The following LYRM4 variants were observed in gnomAD, a reference collection of about 807,000 sequenced individuals.
LYRM4 encodes LYR motif-containing protein 4.
In LYRM4, 9 loss-of-function variants were observed where a neutral mutation model predicts 11.7. That is an observed-to-expected ratio of 0.77 (90% CI 0.46 to 1.34). LYRM4 has a LOEUF of 1.34. LYRM4 is among the 40% of genes most tolerant of loss of function. The pLI, the probability that LYRM4 is intolerant of heterozygous loss-of-function variation, is 0.00. For synonymous variants in LYRM4, 42 were observed against 40.4 expected (o/e 1.04, Z -0.15); for missense variants, 133 against 112.5 (o/e 1.18, Z -0.82).
Position 5,191,907 on chromosome 6 carries a change from C to T in LYRM4, c.207+24711G>A, listed in dbSNP as rs200882922. Among the ~76,000 whole-genome samples the T allele has an allele frequency of 2.0e-5, 3 of 152,142 alleles. No homozygotes were observed. The East Asian group carries it at 5.8e-4, about 29-fold the overall frequency. On this transcript the variant is annotated intron_variant, in intron 2 of 2. Coordinates refer to ENST00000330636, the MANE Select transcript of LYRM4 (RefSeq NM_020408.6). ...CCATATTACTTACGTAGTTTTCCTG[C>T]CAAAAGTGCTTATTATGAATGTAAC... is the stretch of plus-strand genomic sequence containing the variant.
At chr6:5,258,934 A>C (rs766329121) in intron 1 of LYRM4, among the ~76,000 whole-genome samples, 13 of 152,216 alleles carry the variant, frequency 8.5e-5, no homozygotes, top group Admixed American at 2.6e-4. Flanking sequence ...TCAGTTGGCA[A>C]TTACTCATTT....
intron 1 of LYRM4, among the ~76,000 whole-genome samples, chr6:5,253,781 G>C (rs1764543268): frequency 6.7e-6 from 1 of 149,620 alleles, no homozygotes; most frequent in African/African-American, 2.5e-5. Flanking sequence ...CGTTCGATCT[G>C]AAGCAAAATG....
At chr6:5,048,922 TC>T in the LYRM4 span, among the ~76,000 whole-genome samples, 1 of 152,158 alleles carries the variant, frequency 6.6e-6, no homozygotes, top group Non-Finnish European at 1.5e-5. Flanking sequence ...CAGGACTTGT[TC>T]CAGAGGGCTG....
the LYRM4 span, among the ~76,000 whole-genome samples, chr6:5,036,945 G>C: frequency 6.6e-6 from 1 of 151,736 alleles, no homozygotes; most frequent in Non-Finnish European, 1.5e-5. Flanking sequence ...AAAGTCCCCT[G>C]TTATCTAGGT....
At chr6:5,119,172 G>A (rs1383794078) in intron 2 of LYRM4, among the ~76,000 whole-genome samples, 4 of 152,134 alleles carry the variant, frequency 2.6e-5, no homozygotes, top group Admixed American at 6.5e-5. Context: ...GTGGGGAGTC[G>A]GCCTCTTATT....
At chr6:5,147,637 C>CCCTG in intron 2 of LYRM4, among the ~76,000 whole-genome samples, 1 of 152,304 alleles carries the variant, frequency 6.6e-6, no homozygotes, top group East Asian at 1.9e-4. Context: ...TCCTTTTCAT[C>CCCTG]TTTGAAGGAA....
the LYRM4 span, among the ~76,000 whole-genome samples, chr6:5,096,210 G>A: frequency 1.3e-5 from 2 of 152,126 alleles, no homozygotes; most frequent in Non-Finnish European, 2.9e-5. Context: ...CTGCCACTAG[G>A]TGGGTGCAGT....
At chr6:5,064,664 C>G in the LYRM4 span, among the ~76,000 whole-genome samples, 1 of 152,110 alleles carries the variant, frequency 6.6e-6, no homozygotes, top group South Asian at 2.1e-4. Flanking sequence ...CTCAGCCTCC[C>G]AAAGTGCTAG....
intron 2 of LYRM4, among the ~76,000 whole-genome samples, chr6:5,120,732 C>T (rs942934895): frequency 6.6e-6 from 1 of 152,100 alleles, no homozygotes; most frequent in African/African-American, 2.4e-5. Flanking sequence ...TCTAGCTAGC[C>T]TCAGAGCGCT....
At chr6:5,156,913 TC>T (rs1366371616) in intron 2 of LYRM4, among the ~76,000 whole-genome samples, 1 of 151,870 alleles carries the variant, frequency 6.6e-6, no homozygotes, top group Non-Finnish European at 1.5e-5. Context: ...TGTCACAAGA[TC>T]CCCCCTGAAG....
intron 2 of LYRM4, among the ~76,000 whole-genome samples, chr6:5,161,243 G>A (rs1028927193): frequency 6.6e-6 from 1 of 152,216 alleles, no homozygotes; most frequent in East Asian, 1.9e-4. Flanking sequence ...GTTGGAGGTT[G>A]TAGATGAAAA....
chr6:5,217,170 A>C (rs1420077651), intron 1 of LYRM4, among the ~76,000 whole-genome samples: 1 of 152,124 alleles, frequency 6.6e-6, no homozygotes, highest in Non-Finnish European at 1.5e-5. Context: ...AGGAAGAAAA[A>C]ATTCAGAGGT....
intron 2 of LYRM4, among the ~76,000 whole-genome samples, chr6:5,151,365 G>A (rs942799864): frequency 5.3e-5 from 8 of 152,232 alleles, no homozygotes; most frequent in South Asian, 2.1e-4. Context: ...TTACAGGCAT[G>A]AGCCACCGCA....
intron 2 of LYRM4, among the ~76,000 whole-genome samples, chr6:5,146,887 C>G (rs566526051): frequency 6.6e-6 from 1 of 152,326 alleles, no homozygotes; most frequent in Admixed American, 6.5e-5. Context: ...AATACATTCT[C>G]ACATCAGGGA....
At position 5,248,803 on chromosome 6, in the gene LYRM4, A is replaced by G. The variant is rs547572588; in HGVS notation, c.86+11845T>C. On this transcript the variant is annotated intron_variant, in intron 1 of 2. Coordinates refer to ENST00000330636, the MANE Select transcript of LYRM4 (RefSeq NM_020408.6). ...GAAATTTCAGGGAATCTATCAGTCT[A>G]TGCCCCGAACTACAGGTGCCTCTTG... is the stretch of plus-strand genomic sequence containing the variant. Among the ~76,000 whole-genome samples, 3 of 152,344 alleles carry G rather than the reference A, an allele frequency of 2.0e-5. No homozygotes were observed. In the South Asian group the frequency reaches 6.2e-4, roughly 32 times the overall value.
At chr6:5,153,735 C>T (rs181022320) in intron 2 of LYRM4, among the ~76,000 whole-genome samples, 11 of 152,282 alleles carry the variant, frequency 7.2e-5, no homozygotes, top group East Asian at 3.9e-4. Context: ...CACTGTTGTA[C>T]GGTGCTCGAC....
the LYRM4 span, among the ~76,000 whole-genome samples, chr6:5,077,655 G>A: frequency 6.6e-6 from 1 of 152,184 alleles, no homozygotes; most frequent in African/African-American, 2.4e-5. Flanking sequence ...ATAAAAACTT[G>A]ACACTAAAAC....
chr6:5,085,467 T>A, the LYRM4 span: 2 of 1,519,764 alleles, frequency 1.3e-6, no homozygotes, highest in Admixed American at 4.0e-5. Context: ...CCCGAGCAAG[T>A]CCAGGGGCGA....
intron 2 of LYRM4, among the ~76,000 whole-genome samples, chr6:5,148,519 G>GGGGCAGAGTTAGAACTCTGAATCGTAA (rs1349462777): frequency 2.3e-5 from 1 of 43,000 alleles, no homozygotes; most frequent in South Asian, 1.1e-3. Context: ...GCTGGGCTGG[G>GGGGCAGAGTTAGAACTCTGAATCGTAA]TATACGCCTT....
Sources: allele counts gnomAD v4.1 joint callset (sites outside exome capture counted in the v4.1 genomes callset), GRCh38; gene constraint gnomAD v4.1.1; transcripts MANE v1.5; gene names NCBI Gene and HGNC (gene_info 2026-07-23, HGNC 2026-07-21).